MYO18B: variants seen among roughly 807,000 people sequenced by gnomAD.
MYO18B encodes unconventional myosin-XVIIIb.
Under a neutral mutation model 273.0 loss-of-function variants are expected in MYO18B, and 204 were observed. That is an observed-to-expected ratio of 0.75 (90% CI 0.67 to 0.84). The LOEUF (loss-of-function observed/expected upper bound fraction) is 0.84, where lower values mean the gene tolerates loss of function less well. Among genes scored for constraint, MYO18B ranks in the 40% least tolerant of loss-of-function variants. MYO18B has a pLI of 0.00. For missense variants in MYO18B, 3,212 were observed against 3,287.6 expected (o/e 0.98, Z 0.56); for synonymous variants, 1,330 against 1,305.7 (o/e 1.02, Z -0.40).
At chr22:25,776,373 G>A (rs567226299) in intron 7 of MYO18B, among the ~76,000 whole-genome samples, 2 of 152,254 alleles carry the variant, frequency 1.3e-5, no homozygotes, top group South Asian at 2.1e-4. Context: ...CGAGGCTGGC[G>A]GATCACTTGA....
chr22:25,747,368 A>G (rs1173840154), intron 1 of MYO18B, among the ~76,000 whole-genome samples: 1 of 152,234 alleles, frequency 6.6e-6, no homozygotes, highest in Non-Finnish European at 1.5e-5. Flanking sequence ...GGCACAGCTC[A>G]GAATGTTTCT....
In MYO18B at chr22:25,796,455, G is replaced by A. The variant is rs546783868; in HGVS notation, c.2377-1498G>A. 7.2e-5 allele frequency among the ~76,000 whole-genome samples: 11 copies of A among 152,162 alleles called. No individual in the cohort carries two copies. The East Asian group carries it at 9.7e-4, about 13-fold the overall frequency. On this transcript the variant is annotated intron_variant, in intron 11 of 43. Transcript: ENST00000335473. The stretch of plus-strand genomic sequence containing the variant: ...ATAATAATAAAATAAAATCATCTGG[G>A]CATGGCAGTGTGCACCTGTAGTCCC...
intron 39 of MYO18B, among the ~76,000 whole-genome samples, chr22:25,978,231 C>T (rs2093114255): frequency 6.6e-6 from 1 of 152,106 alleles, no homozygotes; most frequent in Non-Finnish European, 1.5e-5. Context: ...GAAACTAATT[C>T]TATGAGAGGG....
the MYO18B span, among the ~76,000 whole-genome samples, chr22:26,040,562 G>A: frequency 2.6e-5 from 4 of 152,324 alleles, no homozygotes; most frequent in South Asian, 8.3e-4. Flanking sequence ...GCTGTAGAAG[G>A]GACTAGAAGG....
intron 33 of MYO18B, among the ~76,000 whole-genome samples, chr22:25,919,006 G>A (rs781564303): frequency 4.6e-5 from 7 of 152,126 alleles, no homozygotes; most frequent in Non-Finnish European, 1.0e-4. Flanking sequence ...GTTCCTCCAT[G>A]TAAGAGCCCT....
chr22:26,042,336 A>G, the MYO18B span, among the ~76,000 whole-genome samples: 1 of 152,256 alleles, frequency 6.6e-6, no homozygotes, highest in Non-Finnish European at 1.5e-5. Context: ...AGCACGGAAC[A>G]TGACGCCTAG....
intron 34 of MYO18B, among the ~76,000 whole-genome samples, chr22:25,942,348 C>T (rs1178239184): frequency 9.8e-5 from 15 of 152,340 alleles, no homozygotes; most frequent in South Asian, 2.1e-4. Context: ...GCTCAAACTC[C>T]GAGTTCTGTC....
At chr22:25,989,626 CAAAAAAAAAAAAA>C (rs56004208) in intron 39 of MYO18B, among the ~76,000 whole-genome samples, 11 of 88,576 alleles carry the variant, frequency 1.2e-4, no homozygotes, top group South Asian at 3.9e-4. Context: ...ACTAAAAATA[CAAAAAAAAAAAAA>C]AAAAAAAAAA....
intron 18 of MYO18B, among the ~76,000 whole-genome samples, chr22:25,845,523 CCAA>C (rs66532051): frequency 2.0e-5 from 3 of 152,024 alleles, no homozygotes; most frequent in Admixed American, 6.6e-5. Flanking sequence ...CTCAAAAAAA[CCAA>C]CAACAACAAC....
intron 29 of MYO18B, chr22:25,901,437 A>G (rs1349081820): frequency 6.6e-6 from 1 of 152,180 alleles, no homozygotes; most frequent in Non-Finnish European, 1.5e-5. Flanking sequence ...ACAGAGTGAC[A>G]TAACATCCAG....
rs1436839887 is a variant in MYO18B, at chr22:25,890,803, T to C, written c.4362T>C (p.Asp1454=). ...TTGCCGATGAGCGCTTCAAAGGTGA[T>C]GTGGCCTGCCAGGTGCTGGAGAGTG... ...SDLADERFKG[D]VACQVLESER... is the part of the protein sequence containing the mutation. The change falls in exon 26 of 44, where the codon GAT becomes GAC. Residue 1454 remains aspartate (D), a synonymous_variant. Transcript: ENST00000335473. 2 of 1,613,826 alleles carry C rather than the reference T, an allele frequency of 1.2e-6. No individual in the cohort carries two copies. The highest frequency in any genetic ancestry group is 2.2e-5 in the East Asian group (1 of 44,886).
intron 12 of MYO18B, among the ~76,000 whole-genome samples, chr22:25,820,156 C>T (rs1322265296): frequency 7.3e-6 from 1 of 136,274 alleles, no homozygotes; most frequent in Non-Finnish European, 1.6e-5. Flanking sequence ...TAAAAATTAG[C>T]CATGTTACCT....
chr22:26,006,555 C>T (rs149219664), intron 42 of MYO18B: 41 of 202,900 alleles, frequency 2.0e-4, no homozygotes, highest in Admixed American at 5.1e-4. Context: ...TTAAAGTCAA[C>T]GTTTTTAGAA....
intron 39 of MYO18B, among the ~76,000 whole-genome samples, chr22:25,966,359 C>G (rs1407510921): frequency 4.6e-5 from 7 of 152,206 alleles, no homozygotes; most frequent in African/African-American, 7.2e-5. Flanking sequence ...ACCAAACCCA[C>G]AGTGAAGGGG....
At chr22:25,788,002 A>G (rs1024638156) in intron 11 of MYO18B, among the ~76,000 whole-genome samples, 5 of 152,154 alleles carry the variant, frequency 3.3e-5, no homozygotes, top group African/African-American at 9.7e-5. Context: ...CTTTCCCCCA[A>G]CCTGACCTGT....
chr22:26,037,066 C>T, the MYO18B span, among the ~76,000 whole-genome samples: 1 of 111,708 alleles, frequency 9.0e-6, no homozygotes, highest in African/African-American at 3.5e-5. Context: ...ATCGTGCTTT[C>T]CTATAAGGTC....
At chr22:25,922,665 T>A (rs536700116) in intron 34 of MYO18B, among the ~76,000 whole-genome samples, 3 of 152,140 alleles carry the variant, frequency 2.0e-5, no homozygotes, top group African/African-American at 7.2e-5. Context: ...CTGGGACCCA[T>A]GTTTCCTGAC....
chr22:25,847,398 A>T (rs1253822712), intron 19 of MYO18B, 32 bp from the exon 20 acceptor site: 1 of 1,536,158 alleles, frequency 6.5e-7, no homozygotes, highest in Admixed American at 2.0e-5. Context: ...TCTGTGAGAC[A>T]ACTGGCCCTG....
chr22:25,929,841 A>G (rs1034388853), intron 34 of MYO18B, among the ~76,000 whole-genome samples: 1 of 152,112 alleles, frequency 6.6e-6, no homozygotes, highest in African/African-American at 2.4e-5. Flanking sequence ...GTCTTGTCTG[A>G]GCAATCTTTG....
Sources: gnomAD v4.1 joint callset for allele counts (sites outside exome capture counted in the v4.1 genomes callset) on GRCh38, gnomAD v4.1.1 for gene constraint, MANE v1.5 for transcripts, NCBI Gene and HGNC (gene_info 2026-07-23, HGNC 2026-07-21) for gene names.